PKIG: variants seen among roughly 807,000 people sequenced by gnomAD.
PKIG encodes the protein protein kinase (cAMP-dependent, catalytic) inhibitor gamma.
PKIG carries 1 observed loss-of-function variant against 6.8 expected under a neutral mutation model. That is an observed-to-expected ratio of 0.15 (90% CI 0.05 to 0.69). The LOEUF (loss-of-function observed/expected upper bound fraction) is 0.69, where lower values mean the gene tolerates loss of function less well. PKIG is among the 30% of genes least tolerant of loss of function. The pLI is 0.82. For missense variants in PKIG, 77 were observed against 104.0 expected (o/e 0.74, Z 1.13); for synonymous variants, 39 against 43.0 (o/e 0.91, Z 0.36).
chr20:44,538,365 A>C (rs778578939), intron 1 of PKIG, among the ~76,000 whole-genome samples: 2 of 152,254 alleles, frequency 1.3e-5, no homozygotes, highest in Non-Finnish European at 2.9e-5. Context: ...AGGATGTGAC[A>C]GATCCCTCTC....
intron 1 of PKIG, among the ~76,000 whole-genome samples, chr20:44,541,341 T>TA (rs913935996): frequency 6.6e-6 from 1 of 152,122 alleles, no homozygotes; most frequent in Non-Finnish European, 1.5e-5. Context: ...AGGCTGGAGT[T>TA]ACTGTGGTGC....
At chr20:44,570,890 ATAG>A (rs2064848289) in intron 1 of PKIG, among the ~76,000 whole-genome samples, 1 of 152,208 alleles carries the variant, frequency 6.6e-6, no homozygotes, top group South Asian at 2.1e-4. Flanking sequence ...AGTGATAAGG[ATAG>A]TTTTATAATT....
At chr20:44,532,049 G>A (rs1600828307) in intron 1 of PKIG, 1 of 152,232 alleles carries the variant, frequency 6.6e-6, no homozygotes. Context: ...CGCAGGGGGC[G>A]AGGGGCTGAG....
intron 1 of PKIG, among the ~76,000 whole-genome samples, chr20:44,539,431 T>TG (rs1373115546): frequency 6.6e-6 from 1 of 151,996 alleles, no homozygotes; most frequent in Non-Finnish European, 1.5e-5. Context: ...TTGTTTTTTT[T>TG]TTTTTTGAAC....
chr20:44,559,977 C>T (rs184905292), intron 1 of PKIG, among the ~76,000 whole-genome samples: 25 of 149,746 alleles, frequency 1.7e-4, no homozygotes, highest in African/African-American at 5.9e-4. Flanking sequence ...CTGAGGTGGG[C>T]GGATCACTTG....
At chr20:44,564,226 T>C (rs769046260) in intron 1 of PKIG, 1 of 152,228 alleles carries the variant, frequency 6.6e-6, no homozygotes, top group Non-Finnish European at 1.5e-5. Flanking sequence ...AAGGGGGCTC[T>C]GGTAAAGTAT....
upstream of PKIG, among the ~76,000 whole-genome samples, chr20:44,581,871 A>G (rs149484551): frequency 8.9e-4 from 136 of 152,274 alleles, no homozygotes; most frequent in African/African-American, 3.2e-3. Context: ...TTTGTTTATA[A>G]GTTCCCCAGT....
intron 1 of PKIG, among the ~76,000 whole-genome samples, chr20:44,571,201 C>T (rs1339210287): frequency 6.6e-6 from 1 of 151,188 alleles, no homozygotes; most frequent in Non-Finnish European, 1.5e-5. Flanking sequence ...GCTCTCACTA[C>T]AGCCTATGCG....
chr20:44,606,734 GGGA>G (rs530466511), intron 2 of PKIG, among the ~76,000 whole-genome samples: 46 of 152,182 alleles, frequency 3.0e-4, no homozygotes, highest in Non-Finnish European at 4.7e-4. Context: ...ACTTGAATCT[GGGA>G]GGAGGAGGTT....
intron 1 of PKIG, among the ~76,000 whole-genome samples, chr20:44,543,780 G>A (rs183266472): frequency 2.6e-5 from 4 of 152,122 alleles, no homozygotes; most frequent in East Asian, 3.9e-4. Context: ...GGCTGGGCGC[G>A]GTGGCTTACA....
intron 1 of PKIG, among the ~76,000 whole-genome samples, chr20:44,562,601 C>CAA (rs1191493549): frequency 0.082 from 4,719 of 57,554 alleles, 211 homozygotes; most frequent in South Asian, 0.16. Flanking sequence ...GACCCTGTCT[C>CAA]AAAAAAAAAA....
At chr20:44,558,151 C>T (rs2064731655) in intron 1 of PKIG, among the ~76,000 whole-genome samples, 2 of 152,160 alleles carry the variant, frequency 1.3e-5, no homozygotes, top group Admixed American at 1.3e-4. Context: ...TTTAGATATA[C>T]TTGAGTCCTA....
intron 2 of PKIG, among the ~76,000 whole-genome samples, chr20:44,603,676 G>A (rs1245905187): frequency 2.0e-5 from 3 of 152,198 alleles, no homozygotes; most frequent in Admixed American, 6.5e-5. Context: ...GGCTTGTCTA[G>A]ATGAGCTCTG....
At chr20:44,542,595 TA>T (rs2064572189) in intron 1 of PKIG, among the ~76,000 whole-genome samples, 1 of 152,094 alleles carries the variant, frequency 6.6e-6, no homozygotes, top group Non-Finnish European at 1.5e-5. Context: ...TCTTTTATAA[TA>T]TTTTTTTCGA....
chr20:44,615,377 C>A (rs1329066871), intron 3 of PKIG, among the ~76,000 whole-genome samples: 3 of 152,260 alleles, frequency 2.0e-5, no homozygotes, highest in Non-Finnish European at 4.4e-5. Context: ...CTGACAAGGT[C>A]TCAGGGGTCT....
At chr20:44,558,614 C>CTTTCTTTCTT (rs770925115) in intron 1 of PKIG, among the ~76,000 whole-genome samples, 1 of 106,194 alleles carries the variant, frequency 9.4e-6, no homozygotes, top group African/African-American at 4.2e-5. Flanking sequence ...TTCTTTCTTT[C>CTTTCTTTCTT]TCATTCTTTC....
intron 1 of PKIG, among the ~76,000 whole-genome samples, chr20:44,546,220 A>G (rs963047491): frequency 1.3e-5 from 2 of 152,236 alleles, no homozygotes; most frequent in African/African-American, 4.8e-5. Context: ...ATTGCAGTCC[A>G]GCATGGGTGA....
chr20:44,552,381 G>A lies in PKIG; in HGVS notation c.-241+20403G>A, dbSNP rs77900497. On this transcript the variant is annotated intron_variant, in intron 1 of 4. Transcript: ENST00000372887. ...ATTTCCTGGGCAACTTATGTGTGGC[G>A]GGCCTTGTTTGGGATCTTGGAAATA... Among the ~76,000 whole-genome samples the A allele has an allele frequency of 5.0e-3, 759 of 152,192 alleles. 4 individuals are homozygous for A. Among genetic ancestry groups the A allele is most frequent in the African/African-American group, 0.013 (548 of 41,500 alleles).
At chr20:44,538,723 A>G (rs2064534528) in intron 1 of PKIG, among the ~76,000 whole-genome samples, 1 of 152,204 alleles carries the variant, frequency 6.6e-6, no homozygotes, top group Non-Finnish European at 1.5e-5. Flanking sequence ...AACAGTAGTC[A>G]GTCCTAAATA....
Sources: allele counts gnomAD v4.1 joint callset (sites outside exome capture counted in the v4.1 genomes callset), GRCh38; gene constraint gnomAD v4.1.1; transcripts MANE v1.5; gene names NCBI Gene and HGNC (gene_info 2026-07-23, HGNC 2026-07-21).